The following UNC5C variants were observed in gnomAD, a reference collection of about 807,000 sequenced individuals.
UNC5C encodes the protein netrin receptor UNC5C.
A neutral mutation model predicts 99.8 loss-of-function variants in UNC5C; 47 were observed. The observed-to-expected ratio is 0.47, with a 90% CI of 0.37 to 0.60. The LOEUF is 0.60. UNC5C is among the 20% of genes least tolerant of loss of function. The pLI is 0.00. For synonymous variants in UNC5C, 487 were observed against 452.2 expected, an observed-to-expected ratio of 1.08 and a Z score of -0.98; for missense variants, 1,062 against 1,165.9, an observed-to-expected ratio of 0.91 and a Z score of 1.30.
chr4:95,250,805 T>TC, intron 4 of UNC5C, 138 bp from the exon 5 acceptor site: 1 of 872,244 alleles, frequency 1.1e-6, no homozygotes, highest in Non-Finnish European at 1.7e-6. Flanking sequence ...ATGTACAATG[T>TC]TGTTCCAGGC....
intron 1 of UNC5C, among the ~76,000 whole-genome samples, chr4:95,386,202 T>G (rs2149443565): frequency 6.6e-6 from 1 of 152,244 alleles, no homozygotes; most frequent in African/African-American, 2.4e-5. Context: ...AACTGAGTTC[T>G]TTGACACAAC....
chr4:95,499,268 T>C (rs1170110107), intron 1 of UNC5C, among the ~76,000 whole-genome samples: 3 of 152,110 alleles, frequency 2.0e-5, no homozygotes. Flanking sequence ...ACTGCAGACC[T>C]GGTCACTGTC....
Position 95,504,845 on chromosome 4 carries a change from C to A in UNC5C, c.124+43889G>T, listed in dbSNP as rs561243186. Among the ~76,000 whole-genome samples, 7 of 152,146 alleles carry A rather than the reference C, an allele frequency of 4.6e-5. No individual in the cohort carries two copies. In the East Asian group the frequency reaches 1.4e-3, roughly 29 times the overall value. ...AATGTCTTTGCCCTATGATGTCATT[C>A]ATTGCAGTTTAAATTTGGGGGTGGT... On this transcript the variant is annotated intron_variant, in intron 1 of 15. Coordinates refer to ENST00000453304, the MANE Select transcript of UNC5C (RefSeq NM_003728.4).
intron 4 of UNC5C, among the ~76,000 whole-genome samples, chr4:95,266,544 T>A (rs2149388938): frequency 6.6e-6 from 1 of 152,346 alleles, no homozygotes; most frequent in Admixed American, 6.5e-5. Context: ...AAGGAGCAAC[T>A]TTTTATAGCT....
rs188201523 is a variant in UNC5C, at chr4:95,254,482, C to G, written c.595-3815G>C. On this transcript the variant is annotated intron_variant, in intron 4 of 15. Coordinates refer to ENST00000453304, the MANE Select transcript of UNC5C (RefSeq NM_003728.4). The stretch of plus-strand genomic sequence containing the variant: ...TGGTCTAGCATCAGTGTGTTTTAAG[C>G]TCCCCAAGGGTTGTAATTTACTGTT... Among the ~76,000 whole-genome samples the G allele has an allele frequency of 1.6e-4, 25 of 152,286 alleles. 1 individual carries two copies. The highest frequency in any genetic ancestry group is 3.4e-3 in the Middle Eastern group (1 of 294).
At chr4:95,184,902 A>T in intron 13 of UNC5C, 145 bp downstream of exon 13, 1 of 932,554 alleles carries the variant, frequency 1.1e-6, no homozygotes, top group Non-Finnish European at 1.5e-6. Context: ...GTTTCTCAAA[A>T]ATCCTAAATA....
intron 1 of UNC5C, among the ~76,000 whole-genome samples, chr4:95,346,968 A>C (rs1292525088): frequency 6.6e-6 from 1 of 152,064 alleles, no homozygotes; most frequent in Admixed American, 6.6e-5. Flanking sequence ...GAAAGAAAGA[A>C]GTCAAATTAT....
chr4:95,352,609 C>A (rs898070448), intron 1 of UNC5C, among the ~76,000 whole-genome samples: 3 of 152,066 alleles, frequency 2.0e-5, no homozygotes, highest in African/African-American at 7.2e-5. Flanking sequence ...ATGAACTTAT[C>A]TTCCTTCTAA....
chr4:95,292,236 C>CATATATATAT (rs71583696), intron 3 of UNC5C, among the ~76,000 whole-genome samples: 146 of 88,734 alleles, frequency 1.6e-3, no homozygotes, highest in Non-Finnish European at 2.8e-3. Context: ...CACACACACA[C>CATATATATAT]ATATATATAT....
At chr4:95,205,647 A>C (rs190955986) in intron 11 of UNC5C, among the ~76,000 whole-genome samples, 31 of 148,566 alleles carry the variant, frequency 2.1e-4, no homozygotes, top group Middle Eastern at 3.4e-3. Context: ...TTCCTATTTT[A>C]TATGTTTTAC....
rs1185431885 is a variant in UNC5C at position 95,219,206 on chromosome 4, T to C, written c.1408A>G (p.Ile470Val). Residue 470 changes from isoleucine (I) to valine (V), a missense_variant, in exon 9 of 16, where the codon ATT becomes GTT. Ile to Val is a conservative substitution (Grantham distance 29). Transcript: ENST00000453304. Reference protein sequence around the residue: ...SDKIPMTNSPILDPLPNLKIK... With the variant: ...SDKIPMTNSPVLDPLPNLKIK... ...TTCAGGTTGGGCAGTGGATCCAGAA[T>C]TGGAGAGTTGGTCATTGGGATTTTG... The C allele has an allele frequency of 6.2e-7, 1 of 1,614,040 alleles. No individual in the cohort carries two copies. The highest frequency in any genetic ancestry group is 8.5e-7 in the Non-Finnish European group (1 of 1,180,016).
intron 1 of UNC5C, among the ~76,000 whole-genome samples, chr4:95,485,425 T>C (rs539087706): frequency 6.6e-6 from 1 of 151,904 alleles, no homozygotes; most frequent in African/African-American, 2.4e-5. Flanking sequence ...TGTAGGCACT[T>C]GAATCATCAT....
intron 3 of UNC5C, among the ~76,000 whole-genome samples, chr4:95,296,790 A>G (rs562658066): frequency 1.9e-4 from 29 of 152,310 alleles, no homozygotes; most frequent in Non-Finnish European, 2.4e-4. Flanking sequence ...AATTCAATTA[A>G]ATCTTTGACT....
At chr4:95,292,453 T>C (rs1256332519) in intron 3 of UNC5C, among the ~76,000 whole-genome samples, 2 of 151,960 alleles carry the variant, frequency 1.3e-5, no homozygotes, top group Non-Finnish European at 2.9e-5. Context: ...AATTCATTCA[T>C]TCCTTTATGA....
In UNC5C at chr4:95,450,780, A is replaced by G. The variant is rs1394328312; in HGVS notation, c.124+97954T>C. 3.3e-5 allele frequency among the ~76,000 whole-genome samples: 5 copies of G among 152,342 alleles called. No individual in the cohort carries two copies. In the East Asian group the frequency reaches 9.6e-4, roughly 29 times the overall value. On this transcript the variant is annotated intron_variant, in intron 1 of 15. Coordinates refer to ENST00000453304, the MANE Select transcript of UNC5C (RefSeq NM_003728.4). ...AAGGTAAATTAAAATGTTTACATAG[A>G]TATCCTTGTCATCATGGCTTAAGTA...
intron 1 of UNC5C, among the ~76,000 whole-genome samples, chr4:95,383,745 T>A (rs1475810324): frequency 6.6e-6 from 1 of 152,184 alleles, no homozygotes; most frequent in Non-Finnish European, 1.5e-5. Flanking sequence ...GTTTTAATAT[T>A]GCATTTGTGA....
intron 1 of UNC5C, among the ~76,000 whole-genome samples, chr4:95,467,017 T>C (rs547295198): frequency 6.6e-6 from 1 of 152,250 alleles, no homozygotes; most frequent in African/African-American, 2.4e-5. Flanking sequence ...AGCTGTCATG[T>C]AATGATGACA....
At chr4:95,433,660 G>A (rs1309572464) in intron 1 of UNC5C, among the ~76,000 whole-genome samples, 2 of 151,930 alleles carry the variant, frequency 1.3e-5, no homozygotes, top group Non-Finnish European at 2.9e-5. Flanking sequence ...ATTAACCAGA[G>A]TTCAATATTT....
chr4:95,494,427 G>T (rs1456900249), intron 1 of UNC5C, among the ~76,000 whole-genome samples: 1 of 151,360 alleles, frequency 6.6e-6, no homozygotes, highest in Non-Finnish European at 1.5e-5. Flanking sequence ...ATTAGACCAA[G>T]AGGCCCCATA....
Sources: gnomAD v4.1 joint callset for allele counts (sites outside exome capture counted in the v4.1 genomes callset) on GRCh38, gnomAD v4.1.1 for gene constraint, MANE v1.5 for transcripts, NCBI Gene and HGNC (gene_info 2026-07-23, HGNC 2026-07-21) for gene names.